The following NFKBIZ variants were observed in gnomAD, a reference collection of about 807,000 sequenced individuals.
NFKBIZ encodes the protein NFKB inhibitor zeta.
NFKBIZ carries 19 observed loss-of-function variants against 76.8 expected under a neutral mutation model. That is an observed-to-expected ratio of 0.25 (90% CI 0.17 to 0.36). NFKBIZ has a LOEUF of 0.36. Ranked by LOEUF, NFKBIZ falls within the 10% of genes least tolerant of loss-of-function variation. NFKBIZ has a pLI of 1.00. For synonymous variants in NFKBIZ, 368 were observed against 354.8 expected (o/e 1.04, Z -0.42); for missense variants, 829 against 910.9 (o/e 0.91, Z 1.16).
At chr3:101,846,486 C>A (rs1016039201), upstream of NFKBIZ, among the ~76,000 whole-genome samples, 1 of 152,144 alleles carries the variant, frequency 6.6e-6, no homozygotes, top group African/African-American at 2.4e-5. Flanking sequence ...TGGCATTGCA[C>A]AGAAAACTTC....
At chr3:101,857,861 A>G in intron 11 of NFKBIZ, 3 of 931,048 alleles carry the variant, frequency 3.2e-6, no homozygotes, top group Non-Finnish European at 3.8e-6. Flanking sequence ...GAGTGCTCAC[A>G]ATAGTCCCGG....
rs376857260 is a variant in NFKBIZ at position 101,830,653 on chromosome 3, T to C, written c.-12+965T>C. The stretch of plus-strand genomic sequence containing the variant: ...ATCCATGTTGCTGCAAAGGACATGA[T>C]TCTATTCTTTTTTATGGCTGTGTAG... On this transcript the variant is annotated intron_variant, in intron 2 of 12. Coordinates refer to the NFKBIZ transcript ENST00000394054. Among the ~76,000 whole-genome samples, 7 of 152,210 alleles carry C rather than the reference T, an allele frequency of 4.6e-5. No individual in the cohort carries two copies. In the East Asian group the frequency reaches 7.7e-4, roughly 17 times the overall value.
intron 2 of NFKBIZ, among the ~76,000 whole-genome samples, chr3:101,832,800 A>G (rs1419381716): frequency 1.3e-5 from 2 of 152,204 alleles, no homozygotes; most frequent in Admixed American, 6.5e-5. Context: ...ATCTGTTTAA[A>G]TCCTTGCTTT....
In NFKBIZ at chr3:101,853,247, A is replaced by T. The variant is rs756671131; in HGVS notation, c.721A>T (p.Asn241Tyr). 10 of 1,614,056 alleles carry T rather than the reference A, an allele frequency of 6.2e-6. No individual in the cohort carries two copies. Among genetic ancestry groups the T allele is most frequent in the Admixed American group, 1.7e-5 (1 of 60,008 alleles). The stretch of plus-strand genomic sequence containing the variant: ...GAACACAGTTCAAGTTAGCTGGCTG[A>T]ACCCCGTGGTGGTCCCTCAGAGCTC... ...SLNTVQVSWL[N>Y]PVVVPQSSPA... is the part of the protein sequence containing the mutation. Residue 241 changes from asparagine (N) to tyrosine (Y), a missense_variant, in exon 5 of 12, where the codon AAC becomes TAC. Physicochemically the swap from Asn to Tyr is moderately radical, Grantham distance 143. Around this residue, in one of 4 missense-constraint regions of NFKBIZ, gnomAD observed 371 missense variants for 332.3 expected, o/e 1.12. Coordinates refer to ENST00000326172, the MANE Select transcript of NFKBIZ (RefSeq NM_031419.4).
Position 101,854,647 on chromosome 3 carries a change from A to C in NFKBIZ, c.1407A>C (p.Ala469=). 6.2e-7 allele frequency: 1 copy of C among 1,614,060 alleles called. No individual in the cohort carries two copies. ...LSYVLARKMN[A]LHMLDIKEHN... is the part of the protein sequence containing the mutation. The stretch of plus-strand genomic sequence containing the variant: ...ATGTTCTTGCAAGAAAGATGAATGC[A>C]CTTCACATGCTGGATATTAAAGAGC... The change falls in exon 6 of 12, where the codon GCA becomes GCC. Residue 469 remains alanine, a synonymous_variant. Coordinates refer to ENST00000326172, the MANE Select transcript of NFKBIZ (RefSeq NM_031419.4).
chr3:101,839,455 T>A (rs1942761818), intron 2 of NFKBIZ, among the ~76,000 whole-genome samples: 1 of 152,182 alleles, frequency 6.6e-6, no homozygotes, highest in African/African-American at 2.4e-5. Flanking sequence ...CTAATCAACA[T>A]GTTTATGAAG....
Position 101,859,346 on chromosome 3 carries a change from T to C in NFKBIZ, c.2132T>C (p.Ile711Thr). ...QIRRILKGKS[I>T]QQRAPPY The stretch of plus-strand genomic sequence containing the variant: ...CGACGTATCCTGAAGGGAAAGTCCA[T>C]TCAGCAGAGAGCTCCACCGTATTAG... The change falls in exon 12 of 12, where the codon ATT becomes ACT. Residue 711 changes from isoleucine to threonine, a missense_variant. By Grantham distance (89) the Ile-to-Thr change is moderately conservative. Around this residue, in one of 4 missense-constraint regions of NFKBIZ, gnomAD observed 272 missense variants for 384.2 expected, o/e 0.71. Transcript: ENST00000326172. The C allele has an allele frequency of 6.2e-7, 1 of 1,613,764 alleles. No homozygotes were observed. Among genetic ancestry groups the C allele is most frequent in the Non-Finnish European group, 8.5e-7 (1 of 1,179,718 alleles).
At chr3:101,852,396 G>A (rs1392396271) in intron 2 of NFKBIZ, among the ~76,000 whole-genome samples, 172 bp downstream of exon 2, 1 of 152,174 alleles carries the variant, frequency 6.6e-6, no homozygotes, top group Non-Finnish European at 1.5e-5. Flanking sequence ...ATCCTCCTTA[G>A]CCCAGTGCCA....
chr3:101,843,260 C>A (rs1479811541), intron 2 of NFKBIZ, among the ~76,000 whole-genome samples: 2 of 151,652 alleles, frequency 1.3e-5, no homozygotes, highest in Non-Finnish European at 2.9e-5. Context: ...CACAGCCAGA[C>A]CCCATCTCTA....
intron 2 of NFKBIZ, among the ~76,000 whole-genome samples, chr3:101,840,656 G>A (rs1576808371): frequency 6.6e-6 from 1 of 152,316 alleles, no homozygotes; most frequent in African/African-American, 2.4e-5. Flanking sequence ...TGCTGCAAAG[G>A]TATTTCAGGG....
chr3:101,833,822 T>C (rs1370143466), intron 2 of NFKBIZ, among the ~76,000 whole-genome samples: 1 of 152,140 alleles, frequency 6.6e-6, no homozygotes, highest in Non-Finnish European at 1.5e-5. Context: ...CCAACAGTAA[T>C]GTCAAAATCT....
At chr3:101,859,087 CT>C (rs1943097952) in intron 11 of NFKBIZ, among the ~76,000 whole-genome samples, 1 of 151,922 alleles carries the variant, frequency 6.6e-6, no homozygotes, top group African/African-American at 2.4e-5. Flanking sequence ...AGATGTTTTA[CT>C]TTCTTGAACT....
chr3:101,836,932 G>T (rs187673715), intron 2 of NFKBIZ, among the ~76,000 whole-genome samples: 1 of 152,094 alleles, frequency 6.6e-6, no homozygotes, highest in African/African-American at 2.4e-5. Context: ...TTATCTATTC[G>T]TATCTACTTT....
chr3:101,846,194 G>C (rs1409992451), upstream of NFKBIZ, among the ~76,000 whole-genome samples: 1 of 152,174 alleles, frequency 6.6e-6, no homozygotes. Context: ...CTCACATGGC[G>C]GGCATATTGG....
At chr3:101,855,352 G>C (rs755650879) in intron 7 of NFKBIZ, 43 bp from the exon 8 acceptor site, 1 of 1,608,912 alleles carries the variant, frequency 6.2e-7, no homozygotes, top group Non-Finnish European at 8.5e-7. Context: ...AGGTATATGC[G>C]CAGCTTATGT....
chr3:101,854,979 C>G, intron 6 of NFKBIZ, 83 bp from the exon 7 acceptor site: 1 of 1,413,716 alleles, frequency 7.1e-7, no homozygotes, highest in Non-Finnish European at 9.5e-7. Flanking sequence ...TGGGTTTTTC[C>G]CTCAGTCATA....
intron 2 of NFKBIZ, among the ~76,000 whole-genome samples, chr3:101,842,479 T>C (rs1253581403): frequency 6.6e-6 from 1 of 152,222 alleles, no homozygotes; most frequent in African/African-American, 2.4e-5. Flanking sequence ...GGGCTGCATG[T>C]GGCCCAGGAT....
At chr3:101,842,754 T>C (rs767691045) in intron 2 of NFKBIZ, among the ~76,000 whole-genome samples, 23 of 151,782 alleles carry the variant, frequency 1.5e-4, no homozygotes, top group Non-Finnish European at 2.8e-4. Context: ...CAGCATTCCA[T>C]TGGTATGCCG....
chr3:101,839,137 C>T (rs1419509169), intron 2 of NFKBIZ, among the ~76,000 whole-genome samples: 1 of 152,066 alleles, frequency 6.6e-6, no homozygotes, highest in Non-Finnish European at 1.5e-5. Flanking sequence ...ACTAGTCTTT[C>T]TGTGTGGCAC....
Sources: allele counts gnomAD v4.1 joint callset (sites outside exome capture counted in the v4.1 genomes callset), GRCh38; gene constraint gnomAD v4.1.1; regional missense constraint gnomAD v4.1.1; transcripts MANE v1.5; gene names NCBI Gene and HGNC (gene_info 2026-07-23, HGNC 2026-07-21).